SCHIP1: variants seen among roughly 807,000 people sequenced by gnomAD.
The protein encoded by SCHIP1 is schwannomin-interacting protein 1.
A neutral mutation model predicts 29.7 loss-of-function variants in SCHIP1; 8 were observed. The ratio of observed to expected loss-of-function variants is 0.27; its 90% confidence interval spans 0.16 to 0.49. The LOEUF (loss-of-function observed/expected upper bound fraction) is 0.49, where lower values mean the gene tolerates loss of function less well. SCHIP1 is among the 20% of genes least tolerant of loss of function. The pLI is 0.99. For missense variants in SCHIP1, 193 were observed against 294.6 expected (o/e 0.66, Z 2.52); for synonymous variants, 76 against 94.9 (o/e 0.80, Z 1.16).
the SCHIP1 span, among the ~76,000 whole-genome samples, chr3:159,456,619 G>A: frequency 3.3e-5 from 5 of 152,162 alleles, no homozygotes; most frequent in African/African-American, 1.2e-4. Context: ...GAAGGAAGAG[G>A]GCGGAAGAGC....
chr3:159,395,052 A>T, the SCHIP1 span, among the ~76,000 whole-genome samples: 1 of 152,134 alleles, frequency 6.6e-6, no homozygotes, highest in Non-Finnish European at 1.5e-5. Context: ...GGTAGAGTGT[A>T]TGTGTCGAGG....
chr3:159,536,052 G>C, the SCHIP1 span, among the ~76,000 whole-genome samples: 1 of 152,146 alleles, frequency 6.6e-6, no homozygotes, highest in Non-Finnish European at 1.5e-5. Flanking sequence ...AGTTGTGCTA[G>C]CTCAATAGCC....
the SCHIP1 span, chr3:159,375,761 CTG>C: frequency 4.0e-6 from 3 of 754,962 alleles, no homozygotes; most frequent in Non-Finnish European, 4.8e-6. Context: ...AATAAATAAA[CTG>C]TTTGATACAT....
the SCHIP1 span, among the ~76,000 whole-genome samples, chr3:159,698,633 T>A: frequency 1.2e-4 from 18 of 152,102 alleles, no homozygotes; most frequent in Non-Finnish European, 2.1e-4. Context: ...TTCTTTATTT[T>A]TTTTTATTTT....
the SCHIP1 span, among the ~76,000 whole-genome samples, chr3:159,538,076 GA>G: frequency 1.3e-5 from 2 of 152,274 alleles, no homozygotes; most frequent in South Asian, 4.1e-4. Context: ...CACGAAAGCA[GA>G]GCACATCACT....
chr3:159,791,352 A>C, the SCHIP1 span, among the ~76,000 whole-genome samples: 1 of 152,262 alleles, frequency 6.6e-6, no homozygotes, highest in Non-Finnish European at 1.5e-5. Context: ...TAACACAGAG[A>C]CTAGTAACGG....
the SCHIP1 span, among the ~76,000 whole-genome samples, chr3:159,719,392 T>C: frequency 3.3e-5 from 5 of 152,168 alleles, no homozygotes; most frequent in African/African-American, 1.2e-4. Context: ...TGGGATCTAA[T>C]TAAACTAAAG....
At chr3:159,642,218 A>C in the SCHIP1 span, among the ~76,000 whole-genome samples, 12 of 152,178 alleles carry the variant, frequency 7.9e-5, no homozygotes, top group African/African-American at 2.9e-4. Context: ...AATAAACTGT[A>C]ATTTCAGTGT....
the SCHIP1 span, among the ~76,000 whole-genome samples, chr3:159,374,674 C>A: frequency 6.6e-6 from 1 of 152,118 alleles, no homozygotes; most frequent in African/African-American, 2.4e-5. Flanking sequence ...GAACTTTCAA[C>A]CTTATGACTC....
the SCHIP1 span, among the ~76,000 whole-genome samples, chr3:159,495,611 T>G: frequency 1.3e-4 from 20 of 152,116 alleles, no homozygotes; most frequent in East Asian, 1.4e-3. Context: ...TAAAAGAGGA[T>G]ACAAACAAAT....
chr3:159,883,428 G>C (rs1026491154), intron 2 of SCHIP1, among the ~76,000 whole-genome samples: 1 of 152,056 alleles, frequency 6.6e-6, no homozygotes, highest in Non-Finnish European at 1.5e-5. Context: ...GTCTCCCAGG[G>C]TGGGCAGGGT....
chr3:159,317,898 A>G, the SCHIP1 span, among the ~76,000 whole-genome samples: 3 of 152,334 alleles, frequency 2.0e-5, no homozygotes, highest in South Asian at 4.1e-4. Flanking sequence ...TGCCCTTTCC[A>G]TGATGGAAGA....
At chr3:159,534,337 G>A in the SCHIP1 span, among the ~76,000 whole-genome samples, 12 of 152,108 alleles carry the variant, frequency 7.9e-5, no homozygotes, top group Admixed American at 5.9e-4. Flanking sequence ...GTGAAGGCTG[G>A]GGTGGATGAG....
At position 159,886,393 on chromosome 3, in the gene SCHIP1, G is replaced by A. The variant is rs1560096956; in HGVS notation, c.267+69G>A. 163 of 1,404,704 alleles carry A rather than the reference G, an allele frequency of 1.2e-4. 3 individuals are homozygous for A. The South Asian group carries it at 1.9e-3, about 16-fold the overall frequency. 87.0% of individuals were successfully genotyped at this position (1,404,704 alleles called of 1,614,324 possible). A position where few individuals can be genotyped will look rare whatever the true frequency, so the allele number is the denominator to read the frequency against. ...CGGGCCATTTAGCTTCTTTTCTGTTGTAAGGTGAATCAGGAACAAACATTT... is the reference window on the plus strand; with the variant it reads ...CGGGCCATTTAGCTTCTTTTCTGTTATAAGGTGAATCAGGAACAAACATTT... On this transcript the variant is annotated intron_variant, in intron 3 of 6. Coordinates refer to ENST00000445224, the Ensembl canonical transcript of SCHIP1.
the SCHIP1 span, among the ~76,000 whole-genome samples, chr3:159,811,565 G>A: frequency 1.3e-5 from 2 of 152,080 alleles, no homozygotes; most frequent in Admixed American, 6.6e-5. Context: ...GAATTACCTT[G>A]GCACCTTTGT....
At chr3:159,830,161 A>T in the SCHIP1 span, among the ~76,000 whole-genome samples, 1 of 152,248 alleles carries the variant, frequency 6.6e-6, no homozygotes, top group Non-Finnish European at 1.5e-5. Context: ...TTCCAGATGT[A>T]GCTTTACATT....
rs528074040 is a variant in SCHIP1 at position 159,874,505 on chromosome 3, G to T, written c.149+8224G>T. 1.1e-3 allele frequency among the ~76,000 whole-genome samples: 165 copies of T among 152,226 alleles called. 1 individual carries two copies. The highest frequency in any genetic ancestry group is 2.0e-3 in the Non-Finnish European group (135 of 68,022). On this transcript the variant is annotated intron_variant, in intron 2 of 6. Transcript: ENST00000445224. The stretch of plus-strand genomic sequence containing the variant: ...TGTTTGGGCTGGAGGGCAAGGAGTG[G>T]GGGGCACCCTAACTGGGAGCTGTTA...
the SCHIP1 span, among the ~76,000 whole-genome samples, chr3:159,464,437 C>T: frequency 6.6e-6 from 1 of 152,090 alleles, no homozygotes; most frequent in Non-Finnish European, 1.5e-5. Flanking sequence ...TTTCTTAACT[C>T]TAAAGATAAG....
In SCHIP1 at chr3:159,866,280, C is replaced by T. The variant is rs754822820; in HGVS notation, c.148C>T (p.Arg50Ter). Reference sequence around the variant, plus strand: ...AAGTGGGAAGCCAAGCCTTTCCTCCCGGTGAGTGTTCTTTTGAGTTGAATT... The same window carrying T: ...AAGTGGGAAGCCAAGCCTTTCCTCCTGGTGAGTGTTCTTTTGAGTTGAATT... The change falls in exon 2 of 7, where the codon CGA becomes TGA. Residue 50 changes from arginine to a stop codon, truncating the protein, a stop_gained and splice_region_variant. Transcript: ENST00000445224. LOFTEE classifies it high-confidence loss of function. 1.9e-6 allele frequency: 3 copies of T among 1,612,752 alleles called. No individual in the cohort carries two copies. Among genetic ancestry groups the T allele is most frequent in the African/African-American group, 1.3e-5 (1 of 74,816 alleles).
Sources: gnomAD v4.1 joint callset for allele counts (sites outside exome capture counted in the v4.1 genomes callset) on GRCh38, gnomAD v4.1.1 for gene constraint, MANE v1.5 for transcripts, NCBI Gene and HGNC (gene_info 2026-07-23, HGNC 2026-07-21) for gene names.